Variants in EFCAB8 observed in about 807,000 individuals in gnomAD.
EFCAB8 encodes the protein EF-hand calcium binding domain 8.
Under a neutral mutation model 116.3 loss-of-function variants are expected in EFCAB8, and 100 were observed. The observed-to-expected ratio is 0.86, with a 90% confidence interval of 0.73 to 1.02. The LOEUF is 1.02. Ranked by LOEUF, EFCAB8 falls within the 50% of genes least tolerant of loss-of-function variation. EFCAB8 has a pLI of 0.00. For missense variants in EFCAB8, 1,320 were observed against 1,416.9 expected (o/e 0.93, Z 1.10); for synonymous variants, 558 against 567.9 (o/e 0.98, Z 0.25).
chr20:32,874,970 A>T (rs1568901165), intron 3 of EFCAB8, among the ~76,000 whole-genome samples: 1 of 151,954 alleles, frequency 6.6e-6, no homozygotes, highest in Non-Finnish European at 1.5e-5. Flanking sequence ...GCTGGTCTCG[A>T]ACTCCTAGCC....
chr20:32,901,268 G>A (rs918151363), intron 11 of EFCAB8, among the ~76,000 whole-genome samples: 1 of 152,230 alleles, frequency 6.6e-6, no homozygotes, highest in Non-Finnish European at 1.5e-5. Context: ...ATAGGAAGAA[G>A]AAGAATTGTC....
At chr20:32,939,751 G>A (rs1988329123) in intron 22 of EFCAB8, among the ~76,000 whole-genome samples, 2 of 141,800 alleles carry the variant, frequency 1.4e-5, no homozygotes, top group African/African-American at 2.7e-5. Flanking sequence ...CTGGAGTGCA[G>A]TGGCGCCACC....
chr20:32,947,007 T>C (rs905290159), intron 23 of EFCAB8, among the ~76,000 whole-genome samples: 1 of 152,230 alleles, frequency 6.6e-6, no homozygotes, highest in Non-Finnish European at 1.5e-5. Context: ...TGTATGGCTC[T>C]GTCATAGTTT....
intron 1 of EFCAB8, among the ~76,000 whole-genome samples, chr20:32,860,273 A>G (rs1600348459): frequency 1.3e-5 from 2 of 152,196 alleles, no homozygotes; most frequent in African/African-American, 4.8e-5. Context: ...GAGCCACTGC[A>G]TTCCAGCCTG....
At chr20:32,913,495 A>T (rs1043371196) in intron 17 of EFCAB8, among the ~76,000 whole-genome samples, 1 of 152,212 alleles carries the variant, frequency 6.6e-6, no homozygotes, top group Non-Finnish European at 1.5e-5. Context: ...AGTCTATGGC[A>T]TTCCGTCCCT....
At chr20:32,947,109 G>A (rs1277151218) in intron 23 of EFCAB8, among the ~76,000 whole-genome samples, 3 of 152,282 alleles carry the variant, frequency 2.0e-5, no homozygotes, top group Non-Finnish European at 4.4e-5. Context: ...TTTCATTTCT[G>A]TTGGGTAAGT....
intron 5 of EFCAB8, among the ~76,000 whole-genome samples, chr20:32,884,041 TTTC>T (rs1985483192): frequency 6.6e-6 from 1 of 152,190 alleles, no homozygotes; most frequent in African/African-American, 2.4e-5. Flanking sequence ...CGGTCAGGTC[TTTC>T]TATTTCTTTG....
At chr20:32,866,812 TCTTC>T (rs983167163) in intron 2 of EFCAB8, among the ~76,000 whole-genome samples, 15 of 124,632 alleles carry the variant, frequency 1.2e-4, no homozygotes, top group South Asian at 8.7e-4. Flanking sequence ...TCCCTCCCTC[TCTTC>T]CTTCCTTCCT....
intron 17 of EFCAB8, 117 bp from the exon 18 acceptor site, chr20:32,917,184 C>A (rs1987226991): frequency 2.6e-6 from 2 of 784,210 alleles, no homozygotes; most frequent in Non-Finnish European, 4.1e-6. Flanking sequence ...GCTCCGACAC[C>A]TGAGAGTATC....
At chr20:32,874,067 T>C (rs975566454) in intron 3 of EFCAB8, among the ~76,000 whole-genome samples, 4 of 151,548 alleles carry the variant, frequency 2.6e-5, no homozygotes, top group Admixed American at 6.6e-5. Flanking sequence ...ACTACAGGCA[T>C]GTGCCACCAT....
intron 23 of EFCAB8, among the ~76,000 whole-genome samples, chr20:32,956,763 T>A (rs1346843163): frequency 1.3e-5 from 2 of 152,178 alleles, no homozygotes; most frequent in African/African-American, 2.4e-5. Flanking sequence ...TTTATTCTGC[T>A]TGGAGTTCAC....
chr20:32,930,229 A>G (rs1314194468), intron 20 of EFCAB8, among the ~76,000 whole-genome samples, 169 bp from the exon 21 acceptor site: 1 of 152,200 alleles, frequency 6.6e-6, no homozygotes, highest in East Asian at 1.9e-4. Flanking sequence ...GTCGAGTATG[A>G]CGTTCCTTGT....
At chr20:32,920,962 T>C (rs1987423445) in intron 20 of EFCAB8, among the ~76,000 whole-genome samples, 1 of 152,194 alleles carries the variant, frequency 6.6e-6, no homozygotes, top group South Asian at 2.1e-4. Flanking sequence ...ATCTTTGTTC[T>C]TCCTACTGTA....
chr20:32,883,696 CT>C (rs1045086393), intron 5 of EFCAB8, among the ~76,000 whole-genome samples: 165 of 146,114 alleles, frequency 1.1e-3, no homozygotes, highest in African/African-American at 2.8e-3. Context: ...TGGTCTATTT[CT>C]TTTTTTTTTT....
chr20:32,874,849 C>T (rs1055167162), intron 3 of EFCAB8, among the ~76,000 whole-genome samples: 4 of 151,492 alleles, frequency 2.6e-5, no homozygotes, highest in African/African-American at 9.7e-5. Flanking sequence ...TGGATTCAAG[C>T]GATTCTCCTG....
intron 1 of EFCAB8, among the ~76,000 whole-genome samples, chr20:32,859,417 G>T (rs1408287485): frequency 6.6e-6 from 1 of 152,140 alleles, no homozygotes; most frequent in Non-Finnish European, 1.5e-5. Flanking sequence ...TTGGAGGAAT[G>T]GTACTTGTCT....
chr20:32,882,799 C>T (rs991299159), intron 5 of EFCAB8, among the ~76,000 whole-genome samples: 11 of 151,820 alleles, frequency 7.2e-5, no homozygotes, highest in Non-Finnish European at 1.2e-4. Context: ...GGGTTCATGC[C>T]GTTCTCCTGC....
At chr20:32,879,225 A>G (rs957233761) in intron 5 of EFCAB8, among the ~76,000 whole-genome samples, 3 of 152,214 alleles carry the variant, frequency 2.0e-5, no homozygotes, top group Non-Finnish European at 2.9e-5. Context: ...AGGCAGGAAT[A>G]GGAGTTTCCT....
chr20:32,920,813 T>C (rs1166074459), intron 20 of EFCAB8, among the ~76,000 whole-genome samples: 1 of 152,000 alleles, frequency 6.6e-6, no homozygotes, highest in East Asian at 1.9e-4. Flanking sequence ...CAGTGTCCCC[T>C]CTGGATTGGG....
Sources: gnomAD v4.1 joint callset for allele counts (sites outside exome capture counted in the v4.1 genomes callset) on GRCh38, gnomAD v4.1.1 for gene constraint, MANE v1.5 for transcripts, NCBI Gene and HGNC (gene_info 2026-07-23, HGNC 2026-07-21) for gene names.